PRKD2: variants seen among roughly 807,000 people sequenced by gnomAD.
PRKD2 encodes the protein protein kinase D2.
A neutral mutation model predicts 86.0 loss-of-function variants in PRKD2; 22 were observed. The ratio of observed to expected loss-of-function variants is 0.26; its 90% CI spans 0.18 to 0.37. The LOEUF (loss-of-function observed/expected upper bound fraction) is 0.37, where lower values mean the gene tolerates loss of function less well. PRKD2 is among the 10% of genes least tolerant of loss of function. The pLI is 1.00. For missense variants in PRKD2, 818 were observed against 1,199.2 expected, an observed-to-expected ratio of 0.68 and a Z score of 4.70; for synonymous variants, 509 against 510.9, an observed-to-expected ratio of 1.00 and a Z score of 0.05.
intron 2 of PRKD2, 38 bp downstream of exon 2, chr19:46,713,824 AC>A (rs1599845363): frequency 2.5e-6 from 1 of 392,712 alleles, no homozygotes; most frequent in East Asian, 1.1e-4. Flanking sequence ...CCCCGCCCCC[AC>A]CCGAGGCCCC....
At chr19:46,695,717 C>T (rs1467759557) in intron 9 of PRKD2, among the ~76,000 whole-genome samples, 4 of 152,018 alleles carry the variant, frequency 2.6e-5, no homozygotes, top group African/African-American at 4.8e-5. Flanking sequence ...GGGTGGGAAA[C>T]GTGTCAAAAG....
At chr19:46,686,929 C>G (rs887211974) in intron 14 of PRKD2, among the ~76,000 whole-genome samples, 15 of 149,170 alleles carry the variant, frequency 1.0e-4, no homozygotes, top group African/African-American at 3.0e-4. Flanking sequence ...CCAGCCTGGG[C>G]AATAGAGCAA....
chr19:46,716,297 C>G lies in PRKD2; in HGVS notation c.74G>C (p.Gly25Ala), dbSNP rs376804861. 6.5e-7 allele frequency: 1 copy of G among 1,547,300 alleles called. No homozygotes were observed. The highest frequency in any genetic ancestry group is 1.9e-4 in the Middle Eastern group (1 of 5,316). ...PGPGSPPPPG[G>A]LELQSPPPLL... The stretch of plus-strand genomic sequence containing the variant: ...CGGTGGCGGCGACTGCAGCTCTAGG[C>G]CGCCGGGGGGCGGAGGAGACCCCGG... Residue 25 changes from glycine to alanine, a missense_variant, in exon 1 of 18, where the codon GGC becomes GCC. This residue lies in a region of PRKD2 where 403 missense variants were observed against 518.6 expected (regional missense o/e 0.78). Coordinates refer to ENST00000291281, the MANE Select transcript of PRKD2 (RefSeq NM_016457.5). This position sits in a 1 kb window ranked among gnomAD's most constrained non-coding sequence, Gnocchi z 7.9.
rs377214350 is a variant in PRKD2 at position 46,697,243 on chromosome 19, A to T, written c.1240-9T>A. 9 of 1,573,230 alleles carry T rather than the reference A, an allele frequency of 5.7e-6. No individual in the cohort carries two copies. The highest frequency in any genetic ancestry group is 7.9e-6 in the Non-Finnish European group (9 of 1,144,302). On this transcript the variant is annotated splice_polypyrimidine_tract_variant and intron_variant, in intron 8 of 17. Coordinates refer to ENST00000291281, the MANE Select transcript of PRKD2 (RefSeq NM_016457.5). ...CAATAGTGCCGCTTTCTCTGCAGAG[A>T]TGTTTGAAGAGTCACGTGAACCGCC...
chr19:46,683,888 TTAAA>T (rs1471945229), intron 14 of PRKD2, among the ~76,000 whole-genome samples: 3 of 152,188 alleles, frequency 2.0e-5, no homozygotes, highest in Non-Finnish European at 2.9e-5. Flanking sequence ...TTTGTGTCTC[TTAAA>T]TAAAGCTTCT....
Position 46,716,095 on chromosome 19 carries a change from C to T in PRKD2, c.240+36G>A. The T allele has an allele frequency of 6.2e-7, 1 of 1,602,564 alleles. No homozygotes were observed. On this transcript the variant is annotated intron_variant, in intron 1 of 17. Transcript: ENST00000291281. This position sits in a 1 kb window ranked among gnomAD's most constrained non-coding sequence, Gnocchi z 7.9. ...CTGCCAGCGCCCCCTCCTTCAACCTCTCCCCGAGCTGGATCCAGGGAGCCT... is the reference window on the plus strand; with the variant it reads ...CTGCCAGCGCCCCCTCCTTCAACCTTTCCCCGAGCTGGATCCAGGGAGCCT...
At chr19:46,715,611 G>T (rs1018200260) in intron 1 of PRKD2, among the ~76,000 whole-genome samples, 1 of 152,196 alleles carries the variant, frequency 6.6e-6, no homozygotes, top group African/African-American at 2.4e-5. Flanking sequence ...AGTCCCCAGG[G>T]TCTGTAGGAG....
intron 2 of PRKD2, among the ~76,000 whole-genome samples, chr19:46,712,334 A>G (rs1374249699): frequency 6.6e-6 from 1 of 152,056 alleles, no homozygotes; most frequent in Non-Finnish European, 1.5e-5. Flanking sequence ...TAAGATCAGC[A>G]GTTCGAGACC....
At position 46,678,559 on chromosome 19, in the gene PRKD2, GTTGAGCAGC is replaced by G; in HGVS notation, c.2166_2174del (p.Leu723_Asn725del). 1 of 1,614,174 alleles carries G rather than the reference GTTGAGCAGC, an allele frequency of 6.2e-7. No homozygotes were observed. Reference sequence around the variant, plus strand: ...TGTCCAGCGAGCGGTTGTAGCCCTGGTTGAGCAGCACCTCGGGTGCCAGGTAGGCCGGCG... The same window carrying G: ...TGTCCAGCGAGCGGTTGTAGCCCTGGACCTCGGGTGCCAGGTAGGCCGGCG... On this transcript the variant is annotated inframe_deletion, in exon 16 of 18. Coordinates refer to ENST00000291281, the MANE Select transcript of PRKD2 (RefSeq NM_016457.5). The surrounding 1 kb of genome is among the most constrained non-coding windows in gnomAD (Gnocchi z 5.7).
chr19:46,706,576 G>A (rs1360847702), intron 3 of PRKD2, among the ~76,000 whole-genome samples: 1 of 152,218 alleles, frequency 6.6e-6, no homozygotes, highest in African/African-American at 2.4e-5. Flanking sequence ...TCAGGATAGA[G>A]TTAAACTCCT....
intron 12 of PRKD2, among the ~76,000 whole-genome samples, chr19:46,691,290 T>C (rs2053479898): frequency 6.6e-6 from 1 of 151,864 alleles, no homozygotes; most frequent in African/African-American, 2.4e-5. Flanking sequence ...GAATCTACCC[T>C]CCTATTCAAT....
At chr19:46,713,695 G>A (rs749574184) in intron 2 of PRKD2, among the ~76,000 whole-genome samples, 168 bp downstream of exon 2, 34 of 151,924 alleles carry the variant, frequency 2.2e-4, no homozygotes, top group Admixed American at 9.8e-4. Flanking sequence ...GAACTCCTGG[G>A]CTCAAGCGAT....
chr19:46,697,996 A>C, intron 7 of PRKD2, 146 bp from the exon 8 acceptor site: 1 of 655,170 alleles, frequency 1.5e-6, no homozygotes, highest in South Asian at 1.8e-5. Context: ...CCCAACACAC[A>C]CCCGGGAGTT....
chr19:46,690,968 G>A (rs909152266), intron 12 of PRKD2, among the ~76,000 whole-genome samples: 1 of 152,174 alleles, frequency 6.6e-6, no homozygotes, highest in Non-Finnish European at 1.5e-5. Context: ...ATAACCAGTC[G>A]GAATCTAGCA....
Position 46,704,603 on chromosome 19 carries a change from G to T in PRKD2, c.558C>A (p.Asn186Lys). Residue 186 changes from asparagine to lysine, a missense_variant, in exon 4 of 18, where the codon AAC becomes AAA. Asn to Lys is a moderately conservative substitution (Grantham distance 94, BLOSUM62 0). Transcript: ENST00000291281. ...YHKRCAFSIP[N>K]NCSGARKRRL... The stretch of plus-strand genomic sequence containing the variant: ...GCCGTTTGCGGGCCCCACTACAGTT[G>T]TTGGGGATGCTGAAGGCACAGCGCT... The T allele has an allele frequency of 6.2e-7, 1 of 1,613,752 alleles. No homozygotes were observed. The highest frequency in any genetic ancestry group is 8.5e-7 in the Non-Finnish European group (1 of 1,179,796).
At position 46,678,385 on chromosome 19, in the gene PRKD2, GC is replaced by G. The variant is rs752547523; in HGVS notation, c.2338+10del. ...ACCCACCCGCCCATGGGGTAGGCGG[GC>G]CCCAGGCACCTCCAGCTGAGATGTG... On this transcript the variant is annotated intron_variant, in intron 16 of 17. Coordinates refer to ENST00000291281, the MANE Select transcript of PRKD2 (RefSeq NM_016457.5). The surrounding 1 kb of genome is among the most constrained non-coding windows in gnomAD (Gnocchi z 5.7). The G allele has an allele frequency of 1.4e-5, 22 of 1,613,516 alleles. No homozygotes were observed. Among genetic ancestry groups the G allele is most frequent in the East Asian group, 6.7e-5 (3 of 44,870 alleles).
In PRKD2 at chr19:46,678,828, C is replaced by G. The variant is rs930980766; in HGVS notation, c.2071-165G>C. Among the ~76,000 whole-genome samples the G allele has an allele frequency of 2.0e-5, 3 of 152,150 alleles. No homozygotes were observed. The highest frequency in any genetic ancestry group is 7.2e-5 in the African/African-American group (3 of 41,430). On this transcript the variant is annotated intron_variant, in intron 15 of 17. Transcript: ENST00000291281. This position sits in a 1 kb window ranked among gnomAD's most constrained non-coding sequence, Gnocchi z 5.7. ...GCAACCCTGGGCAGGTGACTTCCCCCCTCTGTGCCTCAGTTTCCCCATCTA... is the reference window on the plus strand; with the variant it reads ...GCAACCCTGGGCAGGTGACTTCCCCGCTCTGTGCCTCAGTTTCCCCATCTA...
chr19:46,695,849 A>AT (rs777847650), intron 9 of PRKD2, among the ~76,000 whole-genome samples: 27 of 151,746 alleles, frequency 1.8e-4, no homozygotes, highest in Non-Finnish European at 4.0e-4. Context: ...ATTTTATTTT[A>AT]TTTTTTTGAG....
chr19:46,690,996 CGT>C (rs1168777592), intron 12 of PRKD2, among the ~76,000 whole-genome samples: 6 of 152,246 alleles, frequency 3.9e-5, no homozygotes, highest in Admixed American at 3.9e-4. Context: ...TTGTGTGACC[CGT>C]AAGAGTCCTG....
Sources: allele counts gnomAD v4.1 joint callset (sites outside exome capture counted in the v4.1 genomes callset), GRCh38; gene constraint gnomAD v4.1.1; regional missense constraint gnomAD v4.1.1; non-coding constraint Gnocchi (gnomAD v3.1); transcripts MANE v1.5; gene names NCBI Gene and HGNC (gene_info 2026-07-23, HGNC 2026-07-21).